The following AIM2 variants were observed in gnomAD, a reference collection of about 807,000 sequenced individuals.
The protein encoded by AIM2 is absent in melanoma 2.
Under a neutral mutation model 27.7 loss-of-function variants are expected in AIM2, and 30 were observed. The observed-to-expected ratio is 1.08, with a 90% CI of 0.81 to 1.47. The LOEUF (loss-of-function observed/expected upper bound fraction) is 1.47, where lower values mean the gene tolerates loss of function less well. AIM2 is among the 40% of genes most tolerant of loss of function. The pLI, the probability that AIM2 is intolerant of heterozygous loss-of-function variation, is 0.00. For missense variants in AIM2, 358 were observed against 411.3 expected (o/e 0.87, Z 1.12); for synonymous variants, 141 against 145.3 (o/e 0.97, Z 0.21).
chr1:159,061,558 A>ATT (rs945588968), downstream of AIM2, among the ~76,000 whole-genome samples: 2,777 of 83,082 alleles, frequency 0.033, 127 homozygotes, highest in African/African-American at 0.041. Flanking sequence ...GTGCCCGGCT[A>ATT]TTTTTTTTTT....
chr1:159,056,729 A>C, the AIM2 span, among the ~76,000 whole-genome samples: 5 of 134,526 alleles, frequency 3.7e-5, 1 homozygote, highest in African/African-American at 1.4e-4. Context: ...AAAAAAAAAA[A>C]AAAAAAAAAA....
At chr1:159,085,886 C>T (rs574830808) in intron 1 of AIM2, among the ~76,000 whole-genome samples, 25 of 152,280 alleles carry the variant, frequency 1.6e-4, no homozygotes, top group Non-Finnish European at 2.8e-4. Flanking sequence ...ACTTGAGTAT[C>T]GCTAAGAGAG....
Position 159,065,918 on chromosome 1 carries a change from C to T in AIM2, c.808G>A (p.Val270Ile), listed in dbSNP as rs758880627. ...TAGATATGAAAACTTACCTTCTGGA[C>T]TACAAACAAACCATTCACAATTGTT... ...LGTIVNGLFV[V>I]QKVTEKKKNI... is the part of the protein sequence containing the mutation. Residue 270 changes from valine (V) to isoleucine (I), a missense_variant, in exon 4 of 6, where the codon GTC becomes ATC. Transcript: ENST00000368130. The T allele has an allele frequency of 5.6e-5, 90 of 1,602,018 alleles. 1 individual carries two copies. The South Asian group carries it at 1.0e-3, about 18-fold the overall frequency.
intron 5 of AIM2, 50 bp downstream of exon 5, chr1:159,063,435 CA>C (rs774767559): frequency 4.5e-6 from 7 of 1,543,922 alleles, no homozygotes; most frequent in Middle Eastern, 1.7e-4. Flanking sequence ...TGATAGAAAA[CA>C]AAAAATATCA....
chr1:159,101,745 C>G (rs1657315636), intron 1 of AIM2, among the ~76,000 whole-genome samples: 1 of 152,162 alleles, frequency 6.6e-6, no homozygotes, highest in African/African-American at 2.4e-5. Context: ...AAGAAACTGG[C>G]AGCATTTTGT....
At chr1:159,116,559 C>A (rs186276716) in intron 1 of AIM2, among the ~76,000 whole-genome samples, 3 of 152,250 alleles carry the variant, frequency 2.0e-5, no homozygotes, top group African/African-American at 7.2e-5. Context: ...TGGAAACCAT[C>A]ATTCTTAGCA....
intron 1 of AIM2, among the ~76,000 whole-genome samples, chr1:159,096,906 T>C (rs1657193654): frequency 6.6e-6 from 1 of 151,982 alleles, no homozygotes; most frequent in African/African-American, 2.4e-5. Context: ...CAAAAAGTAT[T>C]CCCTTCATCC....
intron 1 of AIM2, among the ~76,000 whole-genome samples, chr1:159,088,164 G>T (rs1052264132): frequency 3.3e-5 from 5 of 152,144 alleles, no homozygotes; most frequent in African/African-American, 4.8e-5. Context: ...TATCAGGCCT[G>T]CTTGAGGTCT....
At chr1:159,100,470 A>C (rs1657288496) in intron 1 of AIM2, among the ~76,000 whole-genome samples, 2 of 152,150 alleles carry the variant, frequency 1.3e-5, no homozygotes, top group African/African-American at 4.8e-5. Flanking sequence ...GCATGAAATC[A>C]GGAAGGAGAG....
chr1:159,115,296 C>T (rs996491279), intron 1 of AIM2, among the ~76,000 whole-genome samples: 3 of 152,304 alleles, frequency 2.0e-5, no homozygotes, highest in Non-Finnish European at 4.4e-5. Context: ...CCCCATCAAG[C>T]TATCAGTGAC....
At chr1:159,110,576 A>C (rs1657546387) in intron 1 of AIM2, among the ~76,000 whole-genome samples, 1 of 152,226 alleles carries the variant, frequency 6.6e-6, no homozygotes, top group South Asian at 2.1e-4. Flanking sequence ...AAGAAAAAAA[A>C]ACTGACACGG....
chr1:159,102,983 G>T (rs1657348529), intron 1 of AIM2, among the ~76,000 whole-genome samples: 1 of 152,172 alleles, frequency 6.6e-6, no homozygotes, highest in African/African-American at 2.4e-5. Flanking sequence ...TGAGATTTGG[G>T]AGGGGTCAGG....
chr1:159,067,210 A>G (rs1216289373), intron 3 of AIM2, among the ~76,000 whole-genome samples: 2 of 152,166 alleles, frequency 1.3e-5, no homozygotes, highest in African/African-American at 4.8e-5. Flanking sequence ...ACACAAACAC[A>G]CTAGAGAGAT....
chr1:159,059,422 G>A (rs1201828976), downstream of AIM2, among the ~76,000 whole-genome samples: 1 of 152,186 alleles, frequency 6.6e-6, no homozygotes, highest in Admixed American at 6.5e-5. Context: ...GAAGTTCAGA[G>A]AGATTGAGTG....
chr1:159,122,855 G>A (rs1257676121), intron 1 of AIM2, among the ~76,000 whole-genome samples: 5 of 152,266 alleles, frequency 3.3e-5, no homozygotes, highest in Middle Eastern at 3.4e-3. Context: ...TGACCCATTC[G>A]CTTCATACAT....
chr1:159,129,235 G>A (rs1647804851), intron 1 of AIM2, among the ~76,000 whole-genome samples: 1 of 152,192 alleles, frequency 6.6e-6, no homozygotes, highest in Non-Finnish European at 1.5e-5. Context: ...AGCTTGTTCA[G>A]AGGAGTGAAA....
At chr1:159,065,441 G>T (rs748143544) in intron 4 of AIM2, among the ~76,000 whole-genome samples, 2 of 151,960 alleles carry the variant, frequency 1.3e-5, no homozygotes, top group Non-Finnish European at 2.9e-5. Context: ...GTCTCCTCAG[G>T]CTAACTCTTT....
upstream of AIM2, among the ~76,000 whole-genome samples, chr1:159,080,836 G>A (rs1656760056): frequency 6.6e-6 from 1 of 152,068 alleles, no homozygotes; most frequent in Admixed American, 6.6e-5. Context: ...TCAGACTCTT[G>A]AAATGTTTTA....
Position 159,066,122 on chromosome 1 carries a change from T to G in AIM2, c.604A>C (p.Ile202Leu). ...VFNTLLKDKF[I>L]PKRIIIIARY... Reference sequence around the variant, plus strand: ...GCTATTATAATTATTCTCTTTGGAATGAATTTATCTTTCAGCAGTGTATTA... The same window carrying G: ...GCTATTATAATTATTCTCTTTGGAAGGAATTTATCTTTCAGCAGTGTATTA... Residue 202 changes from isoleucine to leucine, a missense_variant, in exon 4 of 6, where the codon ATT (isoleucine) becomes CTT (leucine). Ile to Leu is a conservative substitution (Grantham distance 5, BLOSUM62 2). Transcript: ENST00000368130. The G allele has an allele frequency of 6.2e-7, 1 of 1,614,220 alleles. No individual in the cohort carries two copies. Among genetic ancestry groups the G allele is most frequent in the South Asian group, 1.1e-5 (1 of 91,088 alleles).
Sources: gnomAD v4.1 joint callset for allele counts (sites outside exome capture counted in the v4.1 genomes callset) on GRCh38, gnomAD v4.1.1 for gene constraint, MANE v1.5 for transcripts, NCBI Gene and HGNC (gene_info 2026-07-23, HGNC 2026-07-21) for gene names.